PDZD2: variants seen among roughly 807,000 people sequenced by gnomAD.
PDZD2 encodes the protein PDZ domain containing 2, also known as PDZ domain-containing protein 2.
A neutral mutation model predicts 220.7 loss-of-function variants in PDZD2; 90 were observed. The ratio of observed to expected loss-of-function variants is 0.41; its 90% CI spans 0.34 to 0.49. PDZD2 has a LOEUF of 0.49. PDZD2 is among the 20% of genes least tolerant of loss of function. The probability of loss-of-function intolerance (pLI) is 0.28; values close to 1 mark genes in which losing one functional copy is unlikely to be tolerated. For missense variants in PDZD2, 3,174 were observed against 3,608.5 expected (o/e 0.88, Z 3.08); for synonymous variants, 1,375 against 1,450.5 (o/e 0.95, Z 1.18).
intron 3 of PDZD2, among the ~76,000 whole-genome samples, chr5:31,984,192 T>C (rs530341283): frequency 2.0e-5 from 3 of 152,346 alleles, no homozygotes; most frequent in Non-Finnish European, 2.9e-5. Context: ...CGTTATTACA[T>C]TGCTGAGTTC....
intron 1 of PDZD2, among the ~76,000 whole-genome samples, chr5:31,766,760 C>T (rs934159800): frequency 2.1e-5 from 3 of 145,308 alleles, no homozygotes; most frequent in South Asian, 4.4e-4. Flanking sequence ...GACAGAGTTT[C>T]GCTCTTGTCT....
rs546221558 is a variant in PDZD2 at position 31,641,545 on chromosome 5, A to AT, written c.-361+2109dup. ...TCCAGATAGTAGGGAGATGTGTGAG[A>AT]TATTTTTTTTTTTTGAGACTGGGTC... On this transcript the variant is annotated intron_variant, in intron 1 of 24. Coordinates refer to ENST00000438447, the MANE Select transcript of PDZD2 (RefSeq NM_178140.4). Among the ~76,000 whole-genome samples the AT allele has an allele frequency of 2.0e-4, 28 of 142,722 alleles. 1 individual carries two copies. The South Asian group carries it at 2.3e-3, about 12-fold the overall frequency. 93.6% of individuals were successfully genotyped at this position (142,722 alleles called of 152,430 possible).
intron 6 of PDZD2, among the ~76,000 whole-genome samples, chr5:32,018,013 T>C (rs1184757754): frequency 6.6e-6 from 1 of 152,122 alleles, no homozygotes; most frequent in Non-Finnish European, 1.5e-5. Flanking sequence ...ATAGCAAACT[T>C]GTTCCCCTGG....
At chr5:31,768,350 C>A (rs1158072273) in intron 1 of PDZD2, among the ~76,000 whole-genome samples, 1 of 151,962 alleles carries the variant, frequency 6.6e-6, no homozygotes, top group African/African-American at 2.4e-5. Context: ...GGGATTAGAA[C>A]CGAGACAAAA....
At chr5:31,794,220 C>G (rs1196028479) in intron 1 of PDZD2, among the ~76,000 whole-genome samples, 1 of 152,138 alleles carries the variant, frequency 6.6e-6, no homozygotes, top group East Asian at 1.9e-4. Flanking sequence ...CTGTCACCAT[C>G]TGACGTCATA....
At chr5:31,742,443 G>A (rs2150167834) in intron 1 of PDZD2, 1 of 140,616 alleles carries the variant, frequency 7.1e-6, no homozygotes, top group South Asian at 2.3e-4. Flanking sequence ...CCCGGGCCCT[G>A]ACATTCTGGC....
intron 5 of PDZD2, among the ~76,000 whole-genome samples, chr5:32,001,339 G>A (rs1019050685): frequency 2.0e-5 from 3 of 152,232 alleles, no homozygotes; most frequent in Non-Finnish European, 2.9e-5. Context: ...AGGGGCCGCC[G>A]AGGGCAGCCT....
intron 2 of PDZD2, among the ~76,000 whole-genome samples, chr5:31,866,413 CTT>C (rs1441021260): frequency 1.3e-5 from 2 of 152,132 alleles, no homozygotes; most frequent in African/African-American, 4.8e-5. Flanking sequence ...AGCTCAGACT[CTT>C]AATTCCTGCT....
chr5:31,765,649 C>T lies in PDZD2; in HGVS notation c.-360-33240C>T, dbSNP rs190318504. Among the ~76,000 whole-genome samples the T allele has an allele frequency of 5.3e-5, 8 of 152,210 alleles. No homozygotes were observed. The East Asian group carries it at 7.7e-4, about 15-fold the overall frequency. On this transcript the variant is annotated intron_variant, in intron 1 of 24. Transcript: ENST00000438447. ...CAAACCATCTCCAAACTAGCAGAGG[C>T]GCATCCCTGAGGCCGGAAGACATCA...
intron 2 of PDZD2, among the ~76,000 whole-genome samples, chr5:31,971,975 C>A (rs1474864714): frequency 6.6e-6 from 1 of 152,222 alleles, no homozygotes; most frequent in East Asian, 1.9e-4. Flanking sequence ...CTGGAACATT[C>A]TTCTCCCAGG....
At chr5:31,884,227 G>GCATACATACATACATACATACATACATA (rs557964815) in intron 2 of PDZD2, among the ~76,000 whole-genome samples, 22 of 147,488 alleles carry the variant, frequency 1.5e-4, no homozygotes, top group African/African-American at 5.0e-4. Context: ...ATAACTGCAT[G>GCATACATACATACATACATACATACATA]CATGCATACA....
chr5:31,778,987 A>C (rs1173437508), intron 1 of PDZD2, among the ~76,000 whole-genome samples: 1 of 151,834 alleles, frequency 6.6e-6, no homozygotes, highest in Non-Finnish European at 1.5e-5. Context: ...TTCTCCTCAC[A>C]TATTATGGCA....
At chr5:31,927,383 T>G (rs1489164662) in intron 2 of PDZD2, among the ~76,000 whole-genome samples, 3 of 151,862 alleles carry the variant, frequency 2.0e-5, no homozygotes, top group Non-Finnish European at 2.9e-5. Context: ...TTGGGTGTTT[T>G]TTTGTTTGTT....
At chr5:31,960,034 C>G (rs1748069054) in intron 2 of PDZD2, among the ~76,000 whole-genome samples, 1 of 152,114 alleles carries the variant, frequency 6.6e-6, no homozygotes, top group South Asian at 2.1e-4. Context: ...CTGCCCTAAT[C>G]CAGGATGATC....
intron 2 of PDZD2, among the ~76,000 whole-genome samples, chr5:31,913,714 A>G (rs186888948): frequency 4.4e-4 from 67 of 152,280 alleles, no homozygotes; most frequent in Admixed American, 2.6e-3. Flanking sequence ...TGAAGGGGGA[A>G]AAACCAAATC....
Position 32,059,256 on chromosome 5 carries a change from G to C in PDZD2, c.2218G>C (p.Gly740Arg). 1 of 1,607,432 alleles carries C rather than the reference G, an allele frequency of 6.2e-7. No individual in the cohort carries two copies. Among genetic ancestry groups the C allele is most frequent in the Non-Finnish European group, 8.5e-7 (1 of 1,173,948 alleles). The change falls in exon 13 of 25, where the codon GGC (glycine) becomes CGC (arginine). Residue 740 changes from glycine (G) to arginine (R), a missense_variant. Gly to Arg is a moderately radical substitution (Grantham distance 125). Coordinates refer to ENST00000438447, the MANE Select transcript of PDZD2 (RefSeq NM_178140.4). ...TLNKEPRVGLGIGACCLALEN... is the reference protein window; with the variant it reads ...TLNKEPRVGLRIGACCLALEN... ...TCTCACAGAGCCAAGAGTTGGATTAGGCATTGGTGCCTGCTGCTTGGCTCT... is the reference window on the plus strand; with the variant it reads ...TCTCACAGAGCCAAGAGTTGGATTACGCATTGGTGCCTGCTGCTTGGCTCT...
At chr5:31,763,598 A>G (rs1329575186) in intron 1 of PDZD2, among the ~76,000 whole-genome samples, 2 of 152,146 alleles carry the variant, frequency 1.3e-5, no homozygotes, top group East Asian at 3.9e-4. Context: ...AGAAGAAGAG[A>G]CTGAGAGGTT....
At chr5:32,080,583 ACCAACATTTC>A (rs1741839405) in intron 19 of PDZD2, among the ~76,000 whole-genome samples, 1 of 152,042 alleles carries the variant, frequency 6.6e-6, no homozygotes, top group African/African-American at 2.4e-5. Flanking sequence ...TTTTCACTAA[ACCAACATTTC>A]CTATTTGCAA....
intron 2 of PDZD2, among the ~76,000 whole-genome samples, chr5:31,910,537 C>G (rs1173425963): frequency 2.6e-5 from 4 of 151,432 alleles, no homozygotes; most frequent in African/African-American, 9.7e-5. Flanking sequence ...ATTACAGGCA[C>G]TCACCACTAC....
Sources: gnomAD v4.1 joint callset for allele counts (sites outside exome capture counted in the v4.1 genomes callset) on GRCh38, gnomAD v4.1.1 for gene constraint, MANE v1.5 for transcripts, NCBI Gene and HGNC (gene_info 2026-07-23, HGNC 2026-07-21) for gene names.